AGBL4: variants seen among roughly 807,000 people sequenced by gnomAD.
AGBL4 encodes the protein cytosolic carboxypeptidase 6.
A neutral mutation model predicts 66.4 loss-of-function variants in AGBL4; 58 were observed. The observed-to-expected ratio is 0.87, with a 90% CI of 0.71 to 1.09. The LOEUF is 1.09. AGBL4 is among the 50% of genes least tolerant of loss of function. The probability of loss-of-function intolerance (pLI) is 0.00; values close to 1 mark genes in which losing one functional copy is unlikely to be tolerated. For missense variants in AGBL4, 579 were observed against 631.0 expected (o/e 0.92, Z 0.88); for synonymous variants, 234 against 222.9 (o/e 1.05, Z -0.44).
At chr1:48,953,350 C>A (rs1657160482) in intron 5 of AGBL4, among the ~76,000 whole-genome samples, 1 of 152,158 alleles carries the variant, frequency 6.6e-6, no homozygotes, top group Admixed American at 6.5e-5. Context: ...TACTATGCTG[C>A]CAGCACTAAT....
At chr1:49,880,115 C>T (rs890877036) in intron 1 of AGBL4, among the ~76,000 whole-genome samples, 2 of 151,824 alleles carry the variant, frequency 1.3e-5, no homozygotes, top group Non-Finnish European at 2.9e-5. Context: ...AATGTCCTCC[C>T]GTAGCTCAGA....
At chr1:49,948,004 A>ATT (rs1553151787) in intron 1 of AGBL4, among the ~76,000 whole-genome samples, 9 of 31,088 alleles carry the variant, frequency 2.9e-4, no homozygotes, top group East Asian at 1.2e-3. Flanking sequence ...ATATAAATAT[A>ATT]TATAAATATA....
intron 5 of AGBL4, among the ~76,000 whole-genome samples, chr1:48,981,734 A>G (rs1198448349): frequency 6.6e-6 from 1 of 152,076 alleles, no homozygotes; most frequent in East Asian, 1.9e-4. Flanking sequence ...AAAATACATA[A>G]ATTAGCCAGG....
At chr1:49,574,230 T>C (rs1312339271) in intron 3 of AGBL4, among the ~76,000 whole-genome samples, 4 of 152,108 alleles carry the variant, frequency 2.6e-5, no homozygotes, top group African/African-American at 9.7e-5. Flanking sequence ...ATTTTAAGGG[T>C]ATGGGATAAT....
intron 3 of AGBL4, among the ~76,000 whole-genome samples, chr1:49,269,795 G>A (rs183433395): frequency 6.4e-4 from 97 of 152,200 alleles, no homozygotes; most frequent in Admixed American, 1.8e-3. Context: ...CTATGTACAC[G>A]TTAATAAATT....
chr1:49,806,106 T>C (rs1025138725), intron 2 of AGBL4, among the ~76,000 whole-genome samples: 2 of 152,128 alleles, frequency 1.3e-5, no homozygotes, highest in Admixed American at 1.3e-4. Context: ...TACATTCCTA[T>C]AAACAGACTG....
chr1:49,129,140 AAAC>A (rs1032633025), intron 4 of AGBL4, among the ~76,000 whole-genome samples: 12 of 152,124 alleles, frequency 7.9e-5, no homozygotes, highest in Middle Eastern at 3.4e-3. Flanking sequence ...ATCCAAATTG[AAAC>A]AACATTGAAT....
At chr1:49,530,274 A>AAAAAAAAAC (rs1651015254) in intron 3 of AGBL4, among the ~76,000 whole-genome samples, 1 of 134,758 alleles carries the variant, frequency 7.4e-6, no homozygotes, top group African/African-American at 3.2e-5. Flanking sequence ...AAAAAAAAAC[A>AAAAAAAAAC]AAAAAAAACT....
Position 49,245,778 on chromosome 1 carries a change from T to G in AGBL4, c.369A>C (p.Arg123Ser). Residue 123 changes from arginine (R) to serine (S), a missense_variant, in exon 4 of 14, where the codon AGA becomes AGC. Physicochemically the swap from Arg to Ser is moderately radical, Grantham distance 110. Transcript: ENST00000371839. ...GMAPMVKSTS[R>S]PKWQRLPPKN... ...TTCTGTAGATCACTTACCATTTTGGTCTGCTGGTAGATTTCACCATAGGGG... is the reference window on the plus strand; with the variant it reads ...TTCTGTAGATCACTTACCATTTTGGGCTGCTGGTAGATTTCACCATAGGGG... 1.3e-6 allele frequency: 2 copies of G among 1,549,116 alleles called. No individual in the cohort carries two copies. Among genetic ancestry groups the G allele is most frequent in the Non-Finnish European group, 1.7e-6 (2 of 1,145,048 alleles).
Position 49,298,725 on chromosome 1 carries a change from A to G in AGBL4, c.283-52861T>C, listed in dbSNP as rs969632349. 2.6e-5 allele frequency among the ~76,000 whole-genome samples: 4 copies of G among 152,140 alleles called. No homozygotes were observed. The East Asian group carries it at 7.7e-4, about 29-fold the overall frequency. The stretch of plus-strand genomic sequence containing the variant: ...GGGAAATTATAAGCAAGAATACATC[A>G]TTGGAATTCTAAACTGTTCACAAAT... On this transcript the variant is annotated intron_variant, in intron 3 of 13. Transcript: ENST00000371839.
intron 4 of AGBL4, among the ~76,000 whole-genome samples, chr1:49,150,794 C>T (rs1003588976): frequency 8.5e-5 from 13 of 152,138 alleles, no homozygotes; most frequent in African/African-American, 1.9e-4. Flanking sequence ...TGAGCTTCCA[C>T]GTTATCCTAT....
rs1651324572 is a variant in AGBL4, at chr1:49,750,032, C to A, written c.158-52595G>T. On this transcript the variant is annotated intron_variant, in intron 2 of 13. Transcript: ENST00000371839. The stretch of plus-strand genomic sequence containing the variant: ...CATCAATTTAACAAAGATGACAAGG[C>A]AATTCAATGAGAAAATAAGTCTTTT... Among the ~76,000 whole-genome samples, 3 of 152,000 alleles carry A rather than the reference C, an allele frequency of 2.0e-5. No individual in the cohort carries two copies. In the East Asian group the frequency reaches 5.8e-4, roughly 29 times the overall value.
At chr1:48,701,911 C>A (rs1570296123) in intron 6 of AGBL4, among the ~76,000 whole-genome samples, 1 of 151,944 alleles carries the variant, frequency 6.6e-6, no homozygotes, top group South Asian at 2.1e-4. Flanking sequence ...ATAAAATTAC[C>A]CTTCATTGAA....
chr1:49,838,985 T>C (rs1645922460), intron 2 of AGBL4, among the ~76,000 whole-genome samples: 1 of 152,216 alleles, frequency 6.6e-6, no homozygotes, highest in Non-Finnish European at 1.5e-5. Flanking sequence ...AAAGAGCAGT[T>C]GAAGAGGCAT....
intron 6 of AGBL4, among the ~76,000 whole-genome samples, chr1:48,828,591 T>G (rs1646483064): frequency 6.6e-6 from 1 of 152,224 alleles, no homozygotes; most frequent in African/African-American, 2.4e-5. Context: ...ATGTACTGAC[T>G]GATACATTCA....
intron 4 of AGBL4, among the ~76,000 whole-genome samples, chr1:49,062,975 T>G (rs1644429189): frequency 6.6e-6 from 1 of 152,222 alleles, no homozygotes. Context: ...ATTCATGTAT[T>G]TCACAACTTC....
chr1:49,101,008 A>G (rs1361971931), intron 4 of AGBL4, among the ~76,000 whole-genome samples: 1 of 152,014 alleles, frequency 6.6e-6, no homozygotes, highest in Non-Finnish European at 1.5e-5. Flanking sequence ...AGGACAACTC[A>G]ATGAGCCTGG....
intron 3 of AGBL4, among the ~76,000 whole-genome samples, chr1:49,688,833 G>A (rs1646833864): frequency 6.6e-6 from 1 of 152,076 alleles, no homozygotes; most frequent in Middle Eastern, 3.2e-3. Context: ...CACTGATGTT[G>A]AGCACCTTTT....
intron 4 of AGBL4, among the ~76,000 whole-genome samples, chr1:49,137,243 T>G (rs1288001220): frequency 2.0e-5 from 3 of 152,194 alleles, no homozygotes; most frequent in African/African-American, 7.2e-5. Context: ...TGAACCCTCA[T>G]CTTCCTGAAA....
Sources: gnomAD v4.1 joint callset for allele counts (sites outside exome capture counted in the v4.1 genomes callset) on GRCh38, gnomAD v4.1.1 for gene constraint, MANE v1.5 for transcripts, NCBI Gene and HGNC (gene_info 2026-07-23, HGNC 2026-07-21) for gene names.